Variants in CTIF observed in about 807,000 individuals in gnomAD.
CTIF encodes the protein CBP80/20-dependent translation initiation factor.
A neutral mutation model predicts 66.0 loss-of-function variants in CTIF; 21 were observed. The ratio of observed to expected loss-of-function variants is 0.32; its 90% confidence interval spans 0.23 to 0.46. The LOEUF (loss-of-function observed/expected upper bound fraction) is 0.46. CTIF is among the 20% of genes least tolerant of loss of function. CTIF has a pLI of 1.00. For synonymous variants in CTIF, 345 were observed against 326.4 expected (o/e 1.06, Z -0.62); for missense variants, 739 against 812.7 (o/e 0.91, Z 1.10).
At chr18:48,788,283 G>T (rs1356295103) in intron 9 of CTIF, among the ~76,000 whole-genome samples, 1 of 152,188 alleles carries the variant, frequency 6.6e-6, no homozygotes, top group Non-Finnish European at 1.5e-5. Context: ...TGAGTATAGA[G>T]CTTCATTCTG....
At chr18:48,638,421 C>G (rs1388255738) in intron 3 of CTIF, among the ~76,000 whole-genome samples, 1 of 152,098 alleles carries the variant, frequency 6.6e-6, no homozygotes, top group Non-Finnish European at 1.5e-5. Context: ...GCTGTCTTTC[C>G]CCTCTGGTCC....
chr18:48,841,940 T>C (rs1307004921), intron 10 of CTIF, among the ~76,000 whole-genome samples: 3 of 152,252 alleles, frequency 2.0e-5, no homozygotes, highest in African/African-American at 7.2e-5. Context: ...AAAAGAGAAC[T>C]CCACCCAAGA....
At chr18:48,631,301 T>C (rs995737824) in intron 2 of CTIF, among the ~76,000 whole-genome samples, 1 of 151,994 alleles carries the variant, frequency 6.6e-6, no homozygotes, top group Admixed American at 6.6e-5. Context: ...CTGTCTCTAC[T>C]AAAAATACAA....
rs142426007 is a variant in CTIF at position 48,750,209 on chromosome 18, G to T, written c.585-7710G>T. The stretch of plus-strand genomic sequence containing the variant: ...GAGGCCACCCTAAGAACCTGAGTCG[G>T]GGTTGGTCTCCCCATTCTGCAGGTG... On this transcript the variant is annotated intron_variant, in intron 7 of 11. Transcript: ENST00000256413. Among the ~76,000 whole-genome samples the T allele has an allele frequency of 7.9e-3, 1,201 of 152,312 alleles. 25 individuals carry two copies. Among genetic ancestry groups the T allele is most frequent in the African/African-American group, 0.027 (1,106 of 41,566 alleles).
At chr18:48,836,078 C>A (rs1017722690) in intron 10 of CTIF, among the ~76,000 whole-genome samples, 3 of 152,050 alleles carry the variant, frequency 2.0e-5, no homozygotes, top group Non-Finnish European at 4.4e-5. Flanking sequence ...CAAATGCATA[C>A]CCCCGCCCTA....
At chr18:48,789,465 T>A (rs1489477940) in intron 9 of CTIF, among the ~76,000 whole-genome samples, 2 of 152,196 alleles carry the variant, frequency 1.3e-5, no homozygotes, top group African/African-American at 4.8e-5. Flanking sequence ...TGGACTTTGC[T>A]TGGGATAATA....
intron 7 of CTIF, among the ~76,000 whole-genome samples, chr18:48,744,643 G>T (rs1208784657): frequency 6.6e-6 from 1 of 152,018 alleles, no homozygotes; most frequent in Non-Finnish European, 1.5e-5. Context: ...TTAAAACAAA[G>T]ACTTTTTTTC....
intron 9 of CTIF, among the ~76,000 whole-genome samples, chr18:48,785,557 C>T (rs778393158): frequency 2.6e-5 from 4 of 151,840 alleles, no homozygotes; most frequent in Middle Eastern, 6.3e-3. Flanking sequence ...CTGGACCCAG[C>T]CACAAGACCA....
intron 10 of CTIF, among the ~76,000 whole-genome samples, chr18:48,819,850 A>G (rs371424634): frequency 1.3e-5 from 2 of 152,324 alleles, no homozygotes; most frequent in East Asian, 3.9e-4. Context: ...GGAAGCATTT[A>G]CCTGCTTTGA....
chr18:48,563,280 A>G (rs994556350), intron 1 of CTIF, among the ~76,000 whole-genome samples: 2 of 152,128 alleles, frequency 1.3e-5, no homozygotes, highest in African/African-American at 4.8e-5. Context: ...GGGGTGACTC[A>G]CTTTCCTGCC....
Position 48,668,804 on chromosome 18 carries a change from G to A in CTIF, c.432-1865G>A, listed in dbSNP as rs111767509. ...CTAGACGCTGCTCCTTGGGGTTCCT[G>A]CAACGATCCCTTGTCCCCAGCGGGG... On this transcript the variant is annotated intron_variant, in intron 5 of 11. Coordinates refer to ENST00000256413, the MANE Select transcript of CTIF (RefSeq NM_014772.3). Among the ~76,000 whole-genome samples, 845 of 152,226 alleles carry A rather than the reference G, an allele frequency of 5.6e-3. 6 individuals carry two copies. Among genetic ancestry groups the A allele is most frequent in the African/African-American group, 0.019 (777 of 41,548 alleles).
At chr18:48,648,471 ACACACACACACACACACG>A (rs1455034815) in intron 3 of CTIF, among the ~76,000 whole-genome samples, 1 of 149,658 alleles carries the variant, frequency 6.7e-6, no homozygotes, top group East Asian at 2.0e-4. Context: ...CGTTCTGAAC[ACACACACACACACACACG>A]CACACACACA....
At chr18:48,635,966 G>T (rs1345206445) in intron 2 of CTIF, among the ~76,000 whole-genome samples, 1 of 152,188 alleles carries the variant, frequency 6.6e-6, no homozygotes, top group Non-Finnish European at 1.5e-5. Context: ...TCTGGCCCTG[G>T]CCTCACAGAG....
intron 1 of CTIF, among the ~76,000 whole-genome samples, chr18:48,580,384 C>T (rs775616846): frequency 6.6e-6 from 1 of 152,162 alleles, no homozygotes; most frequent in East Asian, 1.9e-4. Flanking sequence ...ATATCTCTGT[C>T]TAGATACTGC....
chr18:48,799,512 G>A (rs866734426), intron 9 of CTIF, among the ~76,000 whole-genome samples: 3 of 152,072 alleles, frequency 2.0e-5, no homozygotes. Flanking sequence ...GGCATGGGAC[G>A]TATTTGTTAA....
At chr18:48,591,927 T>C (rs952653136) in intron 1 of CTIF, among the ~76,000 whole-genome samples, 5 of 152,310 alleles carry the variant, frequency 3.3e-5, no homozygotes, top group Middle Eastern at 3.4e-3. Context: ...TAAAAATTCT[T>C]TTTTTGTAGA....
At chr18:48,572,228 G>T (rs2089433269) in intron 1 of CTIF, among the ~76,000 whole-genome samples, 1 of 151,994 alleles carries the variant, frequency 6.6e-6, no homozygotes, top group African/African-American at 2.4e-5. Context: ...ATTACAGATG[G>T]TACTCTGTTT....
chr18:48,593,737 GT>G (rs2089937018), intron 1 of CTIF, among the ~76,000 whole-genome samples: 1 of 137,440 alleles, frequency 7.3e-6, no homozygotes, highest in Non-Finnish European at 1.6e-5. Context: ...ACTCTGGGAG[GT>G]TTTTTGTTTG....
intron 1 of CTIF, among the ~76,000 whole-genome samples, chr18:48,552,821 C>G (rs766486421): frequency 2.0e-5 from 3 of 152,202 alleles, no homozygotes; most frequent in Admixed American, 6.5e-5. Flanking sequence ...GGCAGGTTCC[C>G]CTGTAGTCCC....
Sources: allele counts gnomAD v4.1 joint callset (sites outside exome capture counted in the v4.1 genomes callset), GRCh38; gene constraint gnomAD v4.1.1; transcripts MANE v1.5; gene names NCBI Gene and HGNC (gene_info 2026-07-23, HGNC 2026-07-21).